LDB2: variants seen among roughly 807,000 people sequenced by gnomAD.
The protein encoded by LDB2 is LIM domain-binding protein 2.
LDB2 carries 12 observed loss-of-function variants against 44.3 expected under a neutral mutation model. That is an observed-to-expected ratio of 0.27 (90% CI 0.17 to 0.44). LDB2 has a LOEUF of 0.44. LDB2 is among the 20% of genes least tolerant of loss of function. LDB2 has a pLI of 1.00. For synonymous variants in LDB2, 164 were observed against 174.8 expected, an observed-to-expected ratio of 0.94 and a Z score of 0.49; for missense variants, 344 against 473.5, an observed-to-expected ratio of 0.73 and a Z score of 2.54.
At chr4:16,854,504 TACACACAC>T (rs61445499) in intron 1 of LDB2, among the ~76,000 whole-genome samples, 11,762 of 145,246 alleles carry the variant, frequency 0.081, 509 homozygotes, top group South Asian at 0.16. Flanking sequence ...TAAATATAAA[TACACACAC>T]ACACACACAC....
chr4:16,507,478 G>A (rs1318789484), intron 7 of LDB2, among the ~76,000 whole-genome samples: 1 of 152,128 alleles, frequency 6.6e-6, no homozygotes, highest in African/African-American at 2.4e-5. Context: ...ACTCGCACAT[G>A]GAAGCGATGG....
intron 2 of LDB2, among the ~76,000 whole-genome samples, chr4:16,726,868 G>A (rs1759593547): frequency 6.6e-6 from 1 of 151,982 alleles, no homozygotes; most frequent in South Asian, 2.1e-4. Flanking sequence ...GAAAAGACTG[G>A]GTCTCTTTCA....
chr4:16,654,715 A>C (rs995375446), intron 2 of LDB2, among the ~76,000 whole-genome samples: 4 of 152,230 alleles, frequency 2.6e-5, no homozygotes, highest in Non-Finnish European at 5.9e-5. Context: ...GTGAAAGAAT[A>C]GGGCATTTTT....
Position 16,595,882 on chromosome 4 carries a change from G to T in LDB2, c.236-7C>A. The T allele has an allele frequency of 6.2e-7, 1 of 1,611,776 alleles. No homozygotes were observed. Among genetic ancestry groups the T allele is most frequent in the South Asian group, 1.1e-5 (1 of 90,742 alleles). ...ATGAGGGTCCTGCCGATAGCTGGGAGAGAAACACAGAGAAACAAACCATTA... is the reference window on the plus strand; with the variant it reads ...ATGAGGGTCCTGCCGATAGCTGGGATAGAAACACAGAGAAACAAACCATTA... On this transcript the variant is annotated splice_region_variant and splice_polypyrimidine_tract_variant and intron_variant, in intron 2 of 7. Coordinates refer to ENST00000304523, the MANE Select transcript of LDB2 (RefSeq NM_001290.5).
At chr4:16,872,171 T>C (rs933219606) in intron 1 of LDB2, among the ~76,000 whole-genome samples, 1 of 152,076 alleles carries the variant, frequency 6.6e-6, no homozygotes, top group Non-Finnish European at 1.5e-5. Flanking sequence ...GTTAAACATT[T>C]ATCCATAGAG....
chr4:16,803,095 G>C (rs1778161177), intron 1 of LDB2, among the ~76,000 whole-genome samples: 1 of 152,186 alleles, frequency 6.6e-6, no homozygotes, highest in African/African-American at 2.4e-5. Flanking sequence ...CTACTGTAAA[G>C]ACCCTCCCTG....
intron 1 of LDB2, among the ~76,000 whole-genome samples, chr4:16,884,629 C>A (rs1327436906): frequency 6.6e-6 from 1 of 152,222 alleles, no homozygotes; most frequent in African/African-American, 2.4e-5. Context: ...CAAGACCTTC[C>A]TTCCCTGTAA....
At chr4:16,790,585 G>A (rs1476698394) in intron 1 of LDB2, among the ~76,000 whole-genome samples, 1 of 152,120 alleles carries the variant, frequency 6.6e-6, no homozygotes, top group East Asian at 1.9e-4. Flanking sequence ...ATAACAACAA[G>A]ATCACCTAAG....
At chr4:16,757,741 C>G (rs1766970034) in intron 2 of LDB2, among the ~76,000 whole-genome samples, 1 of 152,120 alleles carries the variant, frequency 6.6e-6, no homozygotes, top group African/African-American at 2.4e-5. Context: ...GTTCATTTAT[C>G]TCCCAGGGAC....
At chr4:16,681,183 A>G (rs1294950009) in intron 2 of LDB2, among the ~76,000 whole-genome samples, 2 of 152,228 alleles carry the variant, frequency 1.3e-5, no homozygotes, top group Admixed American at 1.3e-4. Flanking sequence ...GTTGTAGAAG[A>G]GGAAATCAGA....
At chr4:16,879,808 T>C (rs990273350) in intron 1 of LDB2, among the ~76,000 whole-genome samples, 6 of 151,914 alleles carry the variant, frequency 3.9e-5, no homozygotes, top group Non-Finnish European at 7.4e-5. Context: ...ACAGAGGGAG[T>C]AGAGAAGTAA....
chr4:16,564,717 TA>T (rs938510770), intron 5 of LDB2, among the ~76,000 whole-genome samples: 37 of 151,928 alleles, frequency 2.4e-4, no homozygotes, highest in African/African-American at 8.0e-4. Flanking sequence ...CATCTTCAAA[TA>T]AAAAAAATTA....
chr4:16,775,946 A>C (rs1166641559), intron 1 of LDB2, among the ~76,000 whole-genome samples: 1 of 152,242 alleles, frequency 6.6e-6, no homozygotes, highest in Admixed American at 6.5e-5. Context: ...GCATCTCAGC[A>C]TCTCAGAAAG....
At chr4:16,621,847 C>T (rs929007819) in intron 2 of LDB2, among the ~76,000 whole-genome samples, 3 of 152,184 alleles carry the variant, frequency 2.0e-5, no homozygotes, top group African/African-American at 7.2e-5. Flanking sequence ...GTGTAAACCA[C>T]TGTGCCCTGA....
chr4:16,671,624 T>C (rs1377540037), intron 2 of LDB2, among the ~76,000 whole-genome samples: 1 of 151,998 alleles, frequency 6.6e-6, no homozygotes, highest in East Asian at 1.9e-4. Context: ...CCAACATTGA[T>C]GGGAACTTGG....
At chr4:16,890,496 G>C (rs1723059555) in intron 1 of LDB2, among the ~76,000 whole-genome samples, 1 of 152,178 alleles carries the variant, frequency 6.6e-6, no homozygotes. Context: ...TTTTGAACTG[G>C]AAGACTAAAA....
chr4:16,560,263 TAATG>T (rs1741539703), intron 5 of LDB2, among the ~76,000 whole-genome samples: 2 of 152,124 alleles, frequency 1.3e-5, no homozygotes, highest in South Asian at 2.1e-4. Context: ...CTTAAAAAAT[TAATG>T]AATCCCGGGG....
intron 1 of LDB2, among the ~76,000 whole-genome samples, chr4:16,823,313 A>G (rs895662114): frequency 6.6e-6 from 1 of 152,208 alleles, no homozygotes; most frequent in Non-Finnish European, 1.5e-5. Context: ...TTATCCCGAG[A>G]TAAGAAGTCA....
intron 2 of LDB2, among the ~76,000 whole-genome samples, chr4:16,679,619 G>A (rs888984512): frequency 7.9e-5 from 12 of 152,136 alleles, no homozygotes; most frequent in South Asian, 6.2e-4. Context: ...TCTGTGAGCC[G>A]CCTTCAGCAC....
Sources: gnomAD v4.1 joint callset for allele counts (sites outside exome capture counted in the v4.1 genomes callset) on GRCh38, gnomAD v4.1.1 for gene constraint, MANE v1.5 for transcripts, NCBI Gene and HGNC (gene_info 2026-07-23, HGNC 2026-07-21) for gene names.